The following CAB39 variants were observed in gnomAD, a reference collection of about 807,000 sequenced individuals.
CAB39 encodes calcium binding protein 39.
In CAB39, 8 loss-of-function variants were observed where a neutral mutation model predicts 40.0. That is an observed-to-expected ratio of 0.20 (90% CI 0.12 to 0.36). The LOEUF is 0.36. Ranked by LOEUF, CAB39 falls within the 10% of genes least tolerant of loss-of-function variation. The pLI, the probability that CAB39 is intolerant of heterozygous loss-of-function variation, is 1.00. For missense variants in CAB39, 270 were observed against 401.1 expected (o/e 0.67, Z 2.79); for synonymous variants, 156 against 141.6 (o/e 1.10, Z -0.72).
intron 1 of CAB39, among the ~76,000 whole-genome samples, chr2:230,741,578 C>G (rs554537373): frequency 6.6e-6 from 1 of 152,260 alleles, no homozygotes; most frequent in South Asian, 2.1e-4. Context: ...TAGCCTCAAG[C>G]AGTCCTCCTG....
At chr2:230,816,576 G>A (rs1252473146) in intron 7 of CAB39, among the ~76,000 whole-genome samples, 3 of 152,176 alleles carry the variant, frequency 2.0e-5, no homozygotes, top group African/African-American at 7.2e-5. Flanking sequence ...TCAGTTACCT[G>A]GAAACTTCAA....
In CAB39 at chr2:230,817,683, AAATT is replaced by A. The variant is rs1225477521; in HGVS notation, c.694-70_694-67del. On this transcript the variant is annotated intron_variant, in intron 7 of 8. Coordinates refer to ENST00000258418, the MANE Select transcript of CAB39 (RefSeq NM_016289.4). ...ACTCTATACTTGATGATTATAAAAT[AAATT>A]GTTTTTTTAAACTTTGATTTTTCTT... 5 of 1,214,194 alleles carry A rather than the reference AAATT, an allele frequency of 4.1e-6. 1 individual carries two copies. Among genetic ancestry groups the A allele is most frequent in the South Asian group, 3.0e-5 (2 of 67,222 alleles). 75.2% of individuals were successfully genotyped at this position (1,214,194 alleles called of 1,614,324 possible).
In CAB39 at chr2:230,797,785, G is replaced by T. The variant is rs1041183418; in HGVS notation, c.399-944G>T. On this transcript the variant is annotated intron_variant, in intron 4 of 8. Coordinates refer to ENST00000258418, the MANE Select transcript of CAB39 (RefSeq NM_016289.4). ...GAGAGATAGAAAGGAGAACATGAAA[G>T]GTTTTATTTTGGTTTTTTACAGCAC... Among the ~76,000 whole-genome samples the T allele has an allele frequency of 2.0e-5, 3 of 152,132 alleles. No individual in the cohort carries two copies. In the East Asian group the frequency reaches 5.8e-4, roughly 29 times the overall value.
At chr2:230,808,961 G>A (rs1163115272) in intron 5 of CAB39, among the ~76,000 whole-genome samples, 1 of 152,228 alleles carries the variant, frequency 6.6e-6, no homozygotes, top group Non-Finnish European at 1.5e-5. Flanking sequence ...CACGATCCTG[G>A]TATTTATGGA....
chr2:230,799,490 G>T (rs889744977), intron 5 of CAB39, among the ~76,000 whole-genome samples: 14 of 152,024 alleles, frequency 9.2e-5, no homozygotes, highest in Admixed American at 7.9e-4. Context: ...TTCCTCCCTT[G>T]GTGTATATTT....
intron 2 of CAB39, among the ~76,000 whole-genome samples, chr2:230,772,835 A>G (rs970053812): frequency 6.6e-6 from 1 of 152,148 alleles, no homozygotes; most frequent in Non-Finnish European, 1.5e-5. Flanking sequence ...TGATCTAGCC[A>G]TTTAAGTATT....
chr2:230,726,550 A>G (rs1446915301), intron 1 of CAB39, among the ~76,000 whole-genome samples: 1 of 152,060 alleles, frequency 6.6e-6, no homozygotes, highest in East Asian at 1.9e-4. Context: ...TAAGTCACAT[A>G]TGGCACATTA....
At chr2:230,768,087 T>G in intron 2 of CAB39, among the ~76,000 whole-genome samples, 1 of 152,220 alleles carries the variant, frequency 6.6e-6, no homozygotes, top group East Asian at 1.9e-4. Context: ...AATAGTTGTA[T>G]TTATTGAAAA....
chr2:230,799,681 T>C (rs1177404861), intron 5 of CAB39, among the ~76,000 whole-genome samples: 1 of 152,224 alleles, frequency 6.6e-6, no homozygotes, highest in African/African-American at 2.4e-5. Context: ...AATAAATATT[T>C]AGAACTGTTT....
chr2:230,713,510 C>T (rs961685097), intron 1 of CAB39: 1 of 152,490 alleles, frequency 6.6e-6, no homozygotes, highest in Non-Finnish European at 1.5e-5. Context: ...CCCCGTGGTT[C>T]TCTGGCGGGG....
intron 1 of CAB39, among the ~76,000 whole-genome samples, chr2:230,719,668 G>T (rs1694411362): frequency 1.3e-5 from 2 of 152,202 alleles, no homozygotes; most frequent in Non-Finnish European, 2.9e-5. Context: ...GATCTGGGCT[G>T]GGTCCTGACT....
intron 2 of CAB39, among the ~76,000 whole-genome samples, chr2:230,772,096 G>A (rs1336170495): frequency 6.6e-6 from 1 of 152,148 alleles, no homozygotes; most frequent in African/African-American, 2.4e-5. Flanking sequence ...ATTAAAACCT[G>A]CTCTTCAGAA....
intron 1 of CAB39, chr2:230,713,870 C>T (rs1037792613): frequency 6.6e-6 from 1 of 152,350 alleles, no homozygotes; most frequent in Non-Finnish European, 1.5e-5. Flanking sequence ...GACGAGAACA[C>T]AAATAACTGC....
chr2:230,749,955 G>A (rs767034919), intron 1 of CAB39, among the ~76,000 whole-genome samples: 10 of 152,038 alleles, frequency 6.6e-5, no homozygotes, highest in Non-Finnish European at 5.9e-5. Context: ...CAGCTTTTTC[G>A]CTTTACTAGC....
At chr2:230,735,413 C>T (rs558800267) in intron 1 of CAB39, among the ~76,000 whole-genome samples, 10 of 151,862 alleles carry the variant, frequency 6.6e-5, no homozygotes, top group Admixed American at 4.6e-4. Flanking sequence ...GTGATCCGTC[C>T]GCCTCGGCCT....
At chr2:230,794,260 C>T (rs374795751) in intron 4 of CAB39, among the ~76,000 whole-genome samples, 4 of 152,226 alleles carry the variant, frequency 2.6e-5, no homozygotes, top group African/African-American at 7.2e-5. Flanking sequence ...GTGTTGCACG[C>T]CAGCGTTCTG....
intron 1 of CAB39, among the ~76,000 whole-genome samples, chr2:230,758,888 A>G (rs980632058): frequency 2.6e-5 from 4 of 152,178 alleles, no homozygotes; most frequent in Admixed American, 6.5e-5. Context: ...AACTACTTCT[A>G]GTTTTTTTAC....
intron 2 of CAB39, among the ~76,000 whole-genome samples, chr2:230,780,679 C>G (rs1695671491): frequency 6.6e-6 from 1 of 152,188 alleles, no homozygotes; most frequent in Non-Finnish European, 1.5e-5. Flanking sequence ...TTCATTGCAT[C>G]AGTTCAGGAG....
chr2:230,746,608 G>A (rs1694982149), intron 1 of CAB39, among the ~76,000 whole-genome samples: 1 of 152,178 alleles, frequency 6.6e-6, no homozygotes, highest in South Asian at 2.1e-4. Context: ...GCTCAGCAAA[G>A]GTGTGAGTCC....
Sources: gnomAD v4.1 joint callset for allele counts (sites outside exome capture counted in the v4.1 genomes callset) on GRCh38, gnomAD v4.1.1 for gene constraint, MANE v1.5 for transcripts, NCBI Gene and HGNC (gene_info 2026-07-23, HGNC 2026-07-21) for gene names.